The following PHF21A variants were observed in gnomAD, a reference collection of about 807,000 sequenced individuals.
PHF21A encodes the protein PHD finger protein 21A, also known as BHC80a.
In PHF21A, 11 loss-of-function variants were observed where a neutral mutation model predicts 82.5. The ratio of observed to expected loss-of-function variants is 0.13; its 90% CI spans 0.08 to 0.22. The LOEUF is 0.22. PHF21A is among the 10% of genes least tolerant of loss of function. The pLI is 1.00. For synonymous variants in PHF21A, 297 were observed against 302.8 expected, an observed-to-expected ratio of 0.98 and a Z score of 0.20; for missense variants, 579 against 837.8, an observed-to-expected ratio of 0.69 and a Z score of 3.81.
intron 6 of PHF21A, among the ~76,000 whole-genome samples, chr11:46,069,337 T>C (rs960636052): frequency 6.6e-6 from 1 of 152,304 alleles, no homozygotes; most frequent in East Asian, 1.9e-4. Flanking sequence ...ACAGGAGGGA[T>C]GAACTAGACT....
At chr11:46,067,883 G>C (rs376852559) in intron 6 of PHF21A, among the ~76,000 whole-genome samples, 1 of 152,248 alleles carries the variant, frequency 6.6e-6, no homozygotes, top group Non-Finnish European at 1.5e-5. Context: ...CAAGTACCAA[G>C]TACCATGAGT....
At position 46,002,654 on chromosome 11, in the gene PHF21A, T is replaced by A. The variant is rs887533492; in HGVS notation, c.154-22688A>T. 2.0e-5 allele frequency among the ~76,000 whole-genome samples: 3 copies of A among 149,680 alleles called. No individual in the cohort carries two copies. The East Asian group carries it at 5.8e-4, about 29-fold the overall frequency. ...AGATAAAGGGGATGTCATATACACC[T>A]TTAAGGGATATAATGAAGAACTTTG... On this transcript the variant is annotated intron_variant, in intron 6 of 18. Transcript: ENST00000676320.
At chr11:45,940,567 C>T (rs2090155399) in intron 15 of PHF21A, among the ~76,000 whole-genome samples, 1 of 152,152 alleles carries the variant, frequency 6.6e-6, no homozygotes, top group African/African-American at 2.4e-5. Context: ...TAAAATATTA[C>T]ATGTGAATGT....
At chr11:45,981,714 G>A (rs2094295607) in intron 6 of PHF21A, among the ~76,000 whole-genome samples, 1 of 152,094 alleles carries the variant, frequency 6.6e-6, no homozygotes, top group Non-Finnish European at 1.5e-5. Flanking sequence ...TAAATAGTTA[G>A]ATGAAACCAT....
chr11:46,069,040 G>C (rs1281935547), intron 6 of PHF21A, among the ~76,000 whole-genome samples: 1 of 152,120 alleles, frequency 6.6e-6, no homozygotes, highest in African/African-American at 2.4e-5. Context: ...CACACTCCAA[G>C]AAGACAGGTA....
At chr11:46,031,239 T>C (rs1428561121) in intron 6 of PHF21A, among the ~76,000 whole-genome samples, 1 of 152,178 alleles carries the variant, frequency 6.6e-6, no homozygotes, top group Non-Finnish European at 1.5e-5. Context: ...TTCCATACCT[T>C]TTGTCCCTTA....
At chr11:46,028,500 T>C (rs2095797198) in intron 6 of PHF21A, among the ~76,000 whole-genome samples, 1 of 151,810 alleles carries the variant, frequency 6.6e-6, no homozygotes, top group Non-Finnish European at 1.5e-5. Flanking sequence ...CTCTAAGACT[T>C]CCTGATTCTG....
chr11:45,965,215 G>A, intron 10 of PHF21A, 100 bp downstream of exon 10: 2 of 952,478 alleles, frequency 2.1e-6, no homozygotes, highest in Non-Finnish European at 3.2e-6. Flanking sequence ...ATGGTGGTGA[G>A]ATGAAGAGCC....
intron 7 of PHF21A, among the ~76,000 whole-genome samples, chr11:45,971,890 C>CTTTTTTTTTTTTTTTTTTTTTTTTTTTT (rs377734291): frequency 2.0e-5 from 1 of 50,294 alleles, no homozygotes; most frequent in African/African-American, 6.3e-5. Context: ...CTTTTTCTTT[C>CTTTTTTTTTTTTTTTTTTTTTTTTTTTT]TTTTTTTTTT....
intron 1 of PHF21A, among the ~76,000 whole-genome samples, chr11:46,115,496 T>C (rs1425370106): frequency 6.6e-6 from 1 of 152,092 alleles, no homozygotes; most frequent in Non-Finnish European, 1.5e-5. Flanking sequence ...TACAATAAAT[T>C]CAATGCAATG....
chr11:45,984,994 T>C (rs959576979), intron 6 of PHF21A, among the ~76,000 whole-genome samples: 2 of 152,234 alleles, frequency 1.3e-5, no homozygotes, highest in African/African-American at 2.4e-5. Context: ...TGATAGAGAC[T>C]TGTAACTTTT....
intron 6 of PHF21A, among the ~76,000 whole-genome samples, chr11:46,059,582 C>T (rs2096506462): frequency 3.9e-5 from 6 of 152,070 alleles, no homozygotes; most frequent in African/African-American, 1.4e-4. Flanking sequence ...TGCCACCACA[C>T]CTGGCTAACT....
chr11:46,119,943 GC>G (rs999912098), intron 1 of PHF21A: 6 of 146,416 alleles, frequency 4.1e-5, no homozygotes, highest in African/African-American at 1.5e-4. Context: ...CGGCCTGTCC[GC>G]CCCGGCCCGC....
chr11:46,073,809 T>TA (rs1391349886), intron 6 of PHF21A, among the ~76,000 whole-genome samples: 5 of 152,204 alleles, frequency 3.3e-5, no homozygotes, highest in Non-Finnish European at 5.9e-5. Flanking sequence ...TTTTCTGAGT[T>TA]AAAACTGTCA....
intron 6 of PHF21A, among the ~76,000 whole-genome samples, chr11:46,024,860 T>C (rs1055577428): frequency 5.9e-5 from 9 of 152,208 alleles, no homozygotes; most frequent in African/African-American, 2.2e-4. Flanking sequence ...CCTGCCATCC[T>C]GATGATCCCT....
chr11:46,074,110 TTTGTCAGATGCAAAAAAAAAAAAAG>T (rs2096691380), intron 6 of PHF21A, among the ~76,000 whole-genome samples: 1 of 151,956 alleles, frequency 6.6e-6, no homozygotes, highest in Non-Finnish European at 1.5e-5. Flanking sequence ...CTGCAATGGT[TTTGTCAGATGCAAAAAAAAAAAAAG>T]TTGTCAGATG....
At chr11:46,053,166 C>T (rs1052011148) in intron 6 of PHF21A, among the ~76,000 whole-genome samples, 2 of 152,016 alleles carry the variant, frequency 1.3e-5, no homozygotes, top group African/African-American at 4.8e-5. Context: ...GATTTAGTGT[C>T]CTGATAAATG....
chr11:45,972,905 C>G (rs1437419106), intron 7 of PHF21A, among the ~76,000 whole-genome samples: 1 of 151,338 alleles, frequency 6.6e-6, no homozygotes, highest in Non-Finnish European at 1.5e-5. Context: ...GAGCGAGTCT[C>G]CGTCTCAAAA....
At chr11:46,118,052 A>G (rs1373389101) in intron 1 of PHF21A, 2 of 152,352 alleles carry the variant, frequency 1.3e-5, no homozygotes, top group East Asian at 1.9e-4. Flanking sequence ...CCTGCTGGAT[A>G]GCATTTAGAG....
Sources: allele counts gnomAD v4.1 joint callset (sites outside exome capture counted in the v4.1 genomes callset), GRCh38; gene constraint gnomAD v4.1.1; transcripts MANE v1.5; gene names NCBI Gene and HGNC (gene_info 2026-07-23, HGNC 2026-07-21).